The following TMEM114 variants were observed in gnomAD, a reference collection of about 807,000 sequenced individuals.
TMEM114 encodes claudin-26.
In TMEM114, 6 loss-of-function variants were observed where a neutral mutation model predicts 6.2. The observed-to-expected ratio is 0.97, with a 90% CI of 0.53 to 1.91. TMEM114 has a LOEUF of 1.91. TMEM114 is among the 40% of genes most tolerant of loss of function. TMEM114 has a pLI of 0.01. For synonymous variants in TMEM114, 104 were observed against 73.0 expected (o/e 1.42, Z -2.16); for missense variants, 218 against 158.3 (o/e 1.38, Z -2.02).
At chr16:8,574,895 G>C (rs1205712503) in intron 2 of TMEM114, among the ~76,000 whole-genome samples, 1 of 152,082 alleles carries the variant, frequency 6.6e-6, no homozygotes, top group East Asian at 1.9e-4. Context: ...ATTTGGTTTA[G>C]CTTTCTTTGT....
At chr16:8,548,708 A>G (rs1168078965) in intron 2 of TMEM114, among the ~76,000 whole-genome samples, 3 of 151,516 alleles carry the variant, frequency 2.0e-5, no homozygotes, top group Non-Finnish European at 4.4e-5. Context: ...ATATATACAC[A>G]GAAAAAAAAT....
At chr16:8,583,417 A>T (rs1365526313) in intron 2 of TMEM114, among the ~76,000 whole-genome samples, 1 of 152,156 alleles carries the variant, frequency 6.6e-6, no homozygotes, top group East Asian at 1.9e-4. Context: ...TCATCTTAGA[A>T]CAGCCCATTT....
intron 2 of TMEM114, among the ~76,000 whole-genome samples, chr16:8,544,486 C>A (rs1396364160): frequency 6.6e-6 from 1 of 152,150 alleles, no homozygotes; most frequent in Non-Finnish European, 1.5e-5. Flanking sequence ...ACAAAACCTG[C>A]TGAATTTTAA....
chr16:8,547,003 A>G (rs546788044), intron 2 of TMEM114, among the ~76,000 whole-genome samples: 25 of 152,356 alleles, frequency 1.6e-4, no homozygotes, highest in African/African-American at 3.4e-4. Context: ...TCTAAGCATT[A>G]CATAAAATAC....
chr16:8,574,582 CTTCTTTCT>C (rs60193962), intron 2 of TMEM114, among the ~76,000 whole-genome samples: 6 of 142,576 alleles, frequency 4.2e-5, no homozygotes, highest in African/African-American at 1.3e-4. Context: ...TCCTTCCTTC[CTTCTTTCT>C]TTCTTTCTTT....
intron 2 of TMEM114, among the ~76,000 whole-genome samples, chr16:8,542,048 C>A (rs1402241527): frequency 6.6e-6 from 1 of 152,156 alleles, no homozygotes; most frequent in Non-Finnish European, 1.5e-5. Flanking sequence ...AGCACGCCAA[C>A]ATTAGGCAGA....
chr16:8,589,889 C>T lies in TMEM114; in HGVS notation c.-51G>A, dbSNP rs1271110948. On this transcript the variant is annotated 5_prime_UTR_variant, in exon 1 of 4. Transcript: ENST00000620492. ...GGGTTCCAGTGGCCGCGGCGCGACCCCTCTGCTCCTGCCCCCGTCCCCAGC... is the reference window on the plus strand; with the variant it reads ...GGGTTCCAGTGGCCGCGGCGCGACCTCTCTGCTCCTGCCCCCGTCCCCAGC... 1 of 394,284 alleles carries T rather than the reference C, an allele frequency of 2.5e-6. No individual in the cohort carries two copies. The highest frequency in any genetic ancestry group is 2.1e-5 in the African/African-American group (1 of 48,330). The allele number at this position is 394,284 out of a possible 1,614,324, so 24.4% of individuals were successfully genotyped here.
At chr16:8,558,926 G>A (rs1901105375) in intron 2 of TMEM114, among the ~76,000 whole-genome samples, 1 of 149,566 alleles carries the variant, frequency 6.7e-6, no homozygotes, top group Admixed American at 6.7e-5. Context: ...TGTATTTTTA[G>A]TAGAGACGGG....
At chr16:8,558,018 C>T (rs761187131) in intron 2 of TMEM114, among the ~76,000 whole-genome samples, 46 of 152,282 alleles carry the variant, frequency 3.0e-4, no homozygotes, top group African/African-American at 9.9e-4. Flanking sequence ...CTTTGGGAGG[C>T]TAAGGCAGGC....
At chr16:8,563,939 G>A (rs1241208876) in intron 2 of TMEM114, among the ~76,000 whole-genome samples, 7 of 145,314 alleles carry the variant, frequency 4.8e-5, no homozygotes, top group African/African-American at 1.3e-4. Flanking sequence ...GTGAGTGAAC[G>A]AGTAAGTAAA....
chr16:8,540,774 A>T (rs1900494684), intron 2 of TMEM114, among the ~76,000 whole-genome samples: 1 of 152,240 alleles, frequency 6.6e-6, no homozygotes, highest in African/African-American at 2.4e-5. Flanking sequence ...AAAGAATCAC[A>T]CGAATAACTG....
chr16:8,531,032 G>A, the TMEM114 span, among the ~76,000 whole-genome samples: 1 of 151,930 alleles, frequency 6.6e-6, no homozygotes, highest in Non-Finnish European at 1.5e-5. Flanking sequence ...TCAAAAAACA[G>A]GACGGAGGGA....
chr16:8,568,656 A>T (rs565573146), downstream of TMEM114, among the ~76,000 whole-genome samples: 1 of 152,154 alleles, frequency 6.6e-6, no homozygotes, highest in Non-Finnish European at 1.5e-5. Context: ...GTATTCCCCA[A>T]ACCATCAGCA....
downstream of TMEM114, among the ~76,000 whole-genome samples, chr16:8,566,032 A>G (rs1025624840): frequency 6.6e-6 from 1 of 152,210 alleles, no homozygotes; most frequent in Admixed American, 6.5e-5. Flanking sequence ...TCAGAATAGA[A>G]CAGAACCAAT....
At chr16:8,541,720 T>G (rs1452462761) in intron 2 of TMEM114, among the ~76,000 whole-genome samples, 1 of 152,182 alleles carries the variant, frequency 6.6e-6, no homozygotes, top group East Asian at 1.9e-4. Flanking sequence ...ATATTCTCCA[T>G]CAATAAATCA....
intron 2 of TMEM114, among the ~76,000 whole-genome samples, chr16:8,541,901 G>T (rs1484226609): frequency 1.3e-5 from 2 of 152,110 alleles, no homozygotes; most frequent in African/African-American, 4.8e-5. Context: ...CGTAGCACAG[G>T]CTCCAATTCC....
chr16:8,561,887 A>AGTGG (rs1901225085), intron 2 of TMEM114, among the ~76,000 whole-genome samples: 2 of 142,900 alleles, frequency 1.4e-5, no homozygotes, highest in South Asian at 2.5e-4. Context: ...TGAATGAGTG[A>AGTGG]GTGAATGAGT....
chr16:8,534,310 C>T (rs1011901099), downstream of TMEM114, among the ~76,000 whole-genome samples: 8 of 151,244 alleles, frequency 5.3e-5, no homozygotes, highest in East Asian at 2.0e-4. Flanking sequence ...ACAAACCAGT[C>T]CATAATGACC....
chr16:8,541,288 A>T (rs1210723941), intron 2 of TMEM114, among the ~76,000 whole-genome samples: 2 of 152,182 alleles, frequency 1.3e-5, no homozygotes, highest in Non-Finnish European at 2.9e-5. Context: ...GAGCCCTCAC[A>T]GTCCTGGACT....
Sources: allele counts gnomAD v4.1 joint callset (sites outside exome capture counted in the v4.1 genomes callset), GRCh38; gene constraint gnomAD v4.1.1; transcripts MANE v1.5; gene names NCBI Gene and HGNC (gene_info 2026-07-23, HGNC 2026-07-21).